Variants in NAV1 observed in about 807,000 individuals in gnomAD.
The protein encoded by NAV1 is neuron navigator 1.
A neutral mutation model predicts 175.2 loss-of-function variants in NAV1; 18 were observed. The ratio of observed to expected loss-of-function variants is 0.10; its 90% CI spans 0.07 to 0.15. NAV1 has a LOEUF of 0.15. NAV1 is among the 10% of genes least tolerant of loss of function. NAV1 has a pLI of 1.00. For synonymous variants in NAV1, 897 were observed against 978.7 expected, an observed-to-expected ratio of 0.92 and a Z score of 1.56; for missense variants, 1,731 against 2,436.6, an observed-to-expected ratio of 0.71 and a Z score of 6.10.
chr1:201,740,016 C>G lies in NAV1; in HGVS notation c.1226+21261C>G. The G allele has an allele frequency of 6.8e-7, 1 of 1,480,768 alleles. No homozygotes were observed. The highest frequency in any genetic ancestry group is 9.0e-7 in the Non-Finnish European group (1 of 1,112,834). The allele number at this position is 1,480,768 out of a possible 1,614,324, so 91.7% of individuals were successfully genotyped here. Reference sequence around the variant, plus strand: ...CCACCCGGTGAATGGCCGCCTGAGCCGGGGAAGATGCTTCATCTGCCCCTG... The same window carrying G: ...CCACCCGGTGAATGGCCGCCTGAGCGGGGGAAGATGCTTCATCTGCCCCTG... On this transcript the variant is annotated intron_variant, in intron 3 of 29. Coordinates refer to ENST00000367296, the Ensembl canonical transcript of NAV1. The surrounding 1 kb of genome is among the most constrained non-coding windows in gnomAD (Gnocchi z 4.7).
At chr1:201,638,253 CCACTAAAAGTG>C (rs1668662202) in intron 2 of NAV1, among the ~76,000 whole-genome samples, 1 of 152,190 alleles carries the variant, frequency 6.6e-6, no homozygotes, top group Non-Finnish European at 1.5e-5. Context: ...ACTGTCAGGT[CCACTAAAAGTG>C]GACCAAGACC....
chr1:201,741,108 C>T (rs373439691), intron 3 of NAV1, among the ~76,000 whole-genome samples: 2 of 152,208 alleles, frequency 1.3e-5, no homozygotes, highest in Non-Finnish European at 1.5e-5. Context: ...TCATATTGCT[C>T]GAAGGGAGCC....
At chr1:201,701,427 A>G (rs918300178) in intron 1 of NAV1, among the ~76,000 whole-genome samples, 3 of 117,174 alleles carry the variant, frequency 2.6e-5, no homozygotes, top group Non-Finnish European at 3.6e-5. Context: ...AAAATAAAAA[A>G]AGAAAAAGAA....
rs985956207 is a variant in NAV1 at position 201,539,908 on chromosome 1, G to T, written c.-144+566G>T. Among the ~76,000 whole-genome samples, 1 of 152,144 alleles carries T rather than the reference G, an allele frequency of 6.6e-6. No individual in the cohort carries two copies. The highest frequency in any genetic ancestry group is 1.5e-5 in the Non-Finnish European group (1 of 68,028). On this transcript the variant is annotated intron_variant, in intron 1 of 33. Transcript: ENST00000685211. The surrounding 1 kb of genome is among the most constrained non-coding windows in gnomAD (Gnocchi z 5.6). ...GGAAGCGCCCTCCCGCCAATCTCCC[G>T]GAGGCCGTCCTCTCTGGCGCCCGCC...
At chr1:201,633,987 A>C (rs1270972156) in intron 2 of NAV1, among the ~76,000 whole-genome samples, 1 of 152,190 alleles carries the variant, frequency 6.6e-6, no homozygotes, top group East Asian at 1.9e-4. Flanking sequence ...AGCAGCCGAC[A>C]CTTACCGTGG....
At chr1:201,702,187 GA>G (rs1003558643) in intron 1 of NAV1, among the ~76,000 whole-genome samples, 1 of 152,184 alleles carries the variant, frequency 6.6e-6, no homozygotes, top group African/African-American at 2.4e-5. Flanking sequence ...CAAACTCACA[GA>G]GACAGAAAGT....
chr1:201,660,024 T>G (rs1453990007), intron 1 of NAV1, among the ~76,000 whole-genome samples: 1 of 152,142 alleles, frequency 6.6e-6, no homozygotes, highest in Non-Finnish European at 1.5e-5. Context: ...AGTTCACAGG[T>G]TGCCATGGGT....
At chr1:201,621,883 T>C (rs1668183215), upstream of NAV1, among the ~76,000 whole-genome samples, 1 of 152,260 alleles carries the variant, frequency 6.6e-6, no homozygotes, top group African/African-American at 2.4e-5. Flanking sequence ...ATTGATTGTA[T>C]GTATCTTTGT....
rs1668717133 is a variant in NAV1 at position 201,640,401 on chromosome 1, TC to T, written c.5-8232del. ...AGAGCATCCATATTGGACCACTGTGTCTAGTGTCTCCTTTTTTTTCAGCAAG... is the reference window on the plus strand; with the variant it reads ...AGAGCATCCATATTGGACCACTGTGTTAGTGTCTCCTTTTTTTTCAGCAAG... On this transcript the variant is annotated intron_variant, in intron 2 of 29. Coordinates refer to the NAV1 transcript ENST00000367302. Among the ~76,000 whole-genome samples, 3 of 152,286 alleles carry T rather than the reference TC, an allele frequency of 2.0e-5. No homozygotes were observed. The South Asian group carries it at 6.2e-4, about 32-fold the overall frequency.
chr1:201,618,080 A>G (rs1215471295), upstream of NAV1, among the ~76,000 whole-genome samples: 1 of 152,158 alleles, frequency 6.6e-6, no homozygotes. Flanking sequence ...CTTTGGAGGC[A>G]TCATCATCCA....
At chr1:201,566,189 C>T (rs1666351796) in intron 1 of NAV1, among the ~76,000 whole-genome samples, 1 of 152,172 alleles carries the variant, frequency 6.6e-6, no homozygotes, top group Non-Finnish European at 1.5e-5. Context: ...CAGAGAGAGG[C>T]AGGCCACTTC....
chr1:201,585,032 C>A (rs1666983966), intron 1 of NAV1, among the ~76,000 whole-genome samples: 1 of 151,546 alleles, frequency 6.6e-6, no homozygotes, highest in Non-Finnish European at 1.5e-5. Flanking sequence ...ACCCCATGCA[C>A]AACTAATAAG....
At chr1:201,710,077 A>G (rs1322845159) in intron 1 of NAV1, among the ~76,000 whole-genome samples, 5 of 151,780 alleles carry the variant, frequency 3.3e-5, no homozygotes, top group South Asian at 4.2e-4. Flanking sequence ...CTAGATGTCT[A>G]TGACTCCCAT....
chr1:201,698,312 G>A (rs1327208777), intron 1 of NAV1, among the ~76,000 whole-genome samples: 20 of 152,202 alleles, frequency 1.3e-4, no homozygotes, highest in East Asian at 3.8e-4. Flanking sequence ...CCCCATGCAC[G>A]GATGATGCCT....
intron 1 of NAV1, among the ~76,000 whole-genome samples, chr1:201,547,113 A>T (rs1025573959): frequency 2.1e-4 from 32 of 151,170 alleles, no homozygotes; most frequent in Non-Finnish European, 4.3e-4. Flanking sequence ...CAGCCTCCCG[A>T]GTAGCTGGGA....
chr1:201,746,883 A>G (rs116171234), intron 3 of NAV1, among the ~76,000 whole-genome samples: 3,007 of 152,144 alleles, frequency 0.02, 92 homozygotes, highest in African/African-American at 0.067. Flanking sequence ...ACACGCCTGT[A>G]GTTCCAGCTA....
At chr1:201,673,149 G>T (rs1007447526) in intron 1 of NAV1, 2 of 152,240 alleles carry the variant, frequency 1.3e-5, no homozygotes, top group Non-Finnish European at 2.9e-5. Flanking sequence ...CTGTGAGAAT[G>T]CAATAAAAGT....
At chr1:201,702,672 TTCTCTC>T (rs756726434) in intron 1 of NAV1, among the ~76,000 whole-genome samples, 8 of 1,722 alleles carry the variant, frequency 4.6e-3, no homozygotes, top group African/African-American at 6.1e-3. Flanking sequence ...GGTATGTGAA[TTCTCTC>T]TCTCTCTCTC....
At chr1:201,702,098 C>T (rs949130813) in intron 1 of NAV1, among the ~76,000 whole-genome samples, 5 of 152,160 alleles carry the variant, frequency 3.3e-5, no homozygotes, top group Non-Finnish European at 5.9e-5. Flanking sequence ...ACCTTGAGAA[C>T]GTTGTGCTAA....
Sources: gnomAD v4.1 joint callset for allele counts (sites outside exome capture counted in the v4.1 genomes callset) on GRCh38, gnomAD v4.1.1 for gene constraint, Gnocchi (gnomAD v3.1) non-coding constraint, MANE v1.5 for transcripts, NCBI Gene and HGNC (gene_info 2026-07-23, HGNC 2026-07-21) for gene names.